ALKAL1: variants seen among roughly 807,000 people sequenced by gnomAD.
The protein encoded by ALKAL1 is ALK and LTK ligand 1.
In ALKAL1, 23 loss-of-function variants were observed where a neutral mutation model predicts 13.5. That is an observed-to-expected ratio of 1.70 (90% CI 1.23 to 2.41). The LOEUF is 2.41. Among genes scored for constraint, ALKAL1 ranks in the 30% most tolerant of loss-of-function variants. The probability of loss-of-function intolerance (pLI) is 0.00; values close to 1 mark genes in which losing one functional copy is unlikely to be tolerated. For synonymous variants in ALKAL1, 85 were observed against 77.7 expected, an observed-to-expected ratio of 1.09 and a Z score of -0.49; for missense variants, 181 against 178.4, an observed-to-expected ratio of 1.01 and a Z score of -0.08.
intron 1 of ALKAL1, among the ~76,000 whole-genome samples, chr8:52,547,309 C>T (rs1451335416): frequency 6.6e-6 from 1 of 151,608 alleles, no homozygotes; most frequent in African/African-American, 2.4e-5. Context: ...ACCAGCCTGA[C>T]CAACATGGCG....
intron 3 of ALKAL1, 32 bp downstream of exon 3, chr8:52,539,799 T>A (rs200842372): frequency 3.2e-6 from 4 of 1,250,094 alleles, no homozygotes; most frequent in Non-Finnish European, 3.3e-6. Flanking sequence ...GTTGGATAAT[T>A]AAAAAAAAAA....
At chr8:52,561,497 T>G in intron 1 of ALKAL1, among the ~76,000 whole-genome samples, 1 of 152,030 alleles carries the variant, frequency 6.6e-6, no homozygotes, top group Non-Finnish European at 1.5e-5. Context: ...ATGGCCTCTG[T>G]AAGGAGGGGG....
At chr8:52,542,509 T>C in intron 1 of ALKAL1, 64 bp from the exon 2 acceptor site, 1 of 974,392 alleles carries the variant, frequency 1.0e-6, no homozygotes, top group African/African-American at 1.6e-5. Context: ...AAAATATCCT[T>C]AATATGCTAA....
chr8:52,546,594 C>T (rs1445986998), intron 1 of ALKAL1, among the ~76,000 whole-genome samples: 1 of 152,140 alleles, frequency 6.6e-6, no homozygotes, highest in Non-Finnish European at 1.5e-5. Flanking sequence ...TTCCTTAAAC[C>T]TTTCATAAGC....
At chr8:52,544,716 T>C (rs1459115456) in intron 1 of ALKAL1, among the ~76,000 whole-genome samples, 5 of 152,034 alleles carry the variant, frequency 3.3e-5, no homozygotes, top group Admixed American at 6.6e-5. Context: ...GTGTTGTATA[T>C]GGGATAATGA....
intron 4 of ALKAL1, among the ~76,000 whole-genome samples, chr8:52,536,362 T>C (rs10108010): frequency 2.0e-5 from 3 of 152,008 alleles, no homozygotes; most frequent in Admixed American, 1.3e-4. Context: ...GCAAAAGAAC[T>C]ACTGATTAAA....
At chr8:52,561,216 T>C (rs1847547235) in intron 1 of ALKAL1, among the ~76,000 whole-genome samples, 1 of 152,162 alleles carries the variant, frequency 6.6e-6, no homozygotes, top group African/African-American at 2.4e-5. Context: ...AGACTTGCAA[T>C]AGAGAGAATT....
intron 4 of ALKAL1, among the ~76,000 whole-genome samples, chr8:52,535,550 C>CAAA (rs10719477): frequency 1.0e-3 from 72 of 68,582 alleles, no homozygotes; most frequent in Non-Finnish European, 1.2e-3. Context: ...GACCCTGTCT[C>CAAA]AAAAAAAAAA....
intron 1 of ALKAL1, among the ~76,000 whole-genome samples, chr8:52,557,389 C>T (rs532791509): frequency 6.6e-6 from 1 of 152,314 alleles, no homozygotes; most frequent in South Asian, 2.1e-4. Flanking sequence ...TTCCCAATTC[C>T]ACAGCAAGCC....
At chr8:52,553,124 A>G (rs1847445299) in intron 1 of ALKAL1, among the ~76,000 whole-genome samples, 1 of 152,124 alleles carries the variant, frequency 6.6e-6, no homozygotes, top group Non-Finnish European at 1.5e-5. Flanking sequence ...AAGGTGGAAA[A>G]ATCACTTGAA....
intron 1 of ALKAL1, among the ~76,000 whole-genome samples, chr8:52,555,441 G>T (rs907093474): frequency 1.6e-4 from 25 of 152,226 alleles, no homozygotes; most frequent in African/African-American, 6.0e-4. Context: ...ACAGAGACAG[G>T]ACACAGGTTT....
rs901545220 is a variant in ALKAL1 at position 52,534,065 on chromosome 8, AAAC to A, written c.*545_*547del. The A allele has an allele frequency of 6.6e-5, 10 of 152,422 alleles. No homozygotes were observed. Among genetic ancestry groups the A allele is most frequent in the African/African-American group, 2.2e-4 (9 of 41,596 alleles). The allele number at this position is 152,422 out of a possible 1,614,324, so 9.4% of individuals were successfully genotyped here. A position where few individuals can be genotyped will look rare whatever the true frequency, so the allele number is the denominator to read the frequency against. On this transcript the variant is annotated 3_prime_UTR_variant, in exon 5 of 5. Transcript: ENST00000358543. ...ATTACAAACATCTTTAATTCAAAGG[AAAC>A]AACACATTTTTTCATATTTCAACTT...
At chr8:52,560,462 C>T (rs545640242) in intron 1 of ALKAL1, among the ~76,000 whole-genome samples, 1 of 152,150 alleles carries the variant, frequency 6.6e-6, no homozygotes, top group African/African-American at 2.4e-5. Context: ...CAACAAAGAT[C>T]TTAGAAATCT....
chr8:52,542,376 T>A lies in ALKAL1; in HGVS notation c.244+16A>T. ...TTTATTTAGTTAATGGAATCACTGA[T>A]ACATTTTGTACTTACCTGTGAAATG... On this transcript the variant is annotated intron_variant, in intron 2 of 4. Transcript: ENST00000358543. 2.0e-6 allele frequency: 3 copies of A among 1,473,818 alleles called. No individual in the cohort carries two copies. The highest frequency in any genetic ancestry group is 3.5e-4 in the Middle Eastern group (2 of 5,728). The allele number at this position is 1,473,818 out of a possible 1,614,324, so 91.3% of individuals were successfully genotyped here.
chr8:52,552,319 TA>T (rs1191183281), intron 1 of ALKAL1, among the ~76,000 whole-genome samples: 2 of 152,076 alleles, frequency 1.3e-5, no homozygotes, highest in African/African-American at 4.8e-5. Flanking sequence ...ACTTTTAGTG[TA>T]ATTTATGTTT....
intron 1 of ALKAL1, among the ~76,000 whole-genome samples, chr8:52,564,607 C>A (rs1299934877): frequency 6.6e-6 from 1 of 152,206 alleles, no homozygotes; most frequent in East Asian, 1.9e-4. Context: ...GCTTCCTCAG[C>A]CACTCGCTGC....
At chr8:52,538,555 G>A (rs765626939) in intron 3 of ALKAL1, 48 bp from the exon 4 acceptor site, 3 of 1,242,026 alleles carry the variant, frequency 2.4e-6, no homozygotes, top group South Asian at 1.3e-5. Flanking sequence ...TACTAGAAAT[G>A]TTGGGGAAAT....
intron 1 of ALKAL1, among the ~76,000 whole-genome samples, chr8:52,556,464 G>A (rs1012806594): frequency 1.3e-5 from 2 of 151,546 alleles, no homozygotes; most frequent in African/African-American, 4.8e-5. Flanking sequence ...TGGCTAACAC[G>A]GTGAAACCCC....
Position 52,545,276 on chromosome 8 carries a change from A to G in ALKAL1, c.191-2831T>C, listed in dbSNP as rs141003587. ...CATACATCCCTCACGATTTGCCCAC[A>G]AGAAAATTCTTTGTGGATGGAGGAC... is the stretch of plus-strand genomic sequence containing the variant. On this transcript the variant is annotated intron_variant, in intron 1 of 4. Coordinates refer to ENST00000358543, the MANE Select transcript of ALKAL1 (RefSeq NM_207413.4). Among the ~76,000 whole-genome samples, 47 of 152,266 alleles carry G rather than the reference A, an allele frequency of 3.1e-4. No homozygotes were observed. In the East Asian group the frequency reaches 8.5e-3, roughly 28 times the overall value.
Sources: allele counts gnomAD v4.1 joint callset (sites outside exome capture counted in the v4.1 genomes callset), GRCh38; gene constraint gnomAD v4.1.1; transcripts MANE v1.5; gene names NCBI Gene and HGNC (gene_info 2026-07-23, HGNC 2026-07-21).